PPP1CC: variants seen among roughly 807,000 people sequenced by gnomAD.
PPP1CC encodes the protein protein phosphatase 1 catalytic subunit gamma.
PPP1CC carries 16 observed loss-of-function variants against 38.4 expected under a neutral mutation model. That is an observed-to-expected ratio of 0.42 (90% CI 0.28 to 0.63). The LOEUF (loss-of-function observed/expected upper bound fraction) is 0.63. Ranked by LOEUF, PPP1CC falls within the 30% of genes least tolerant of loss-of-function variation. PPP1CC has a pLI of 0.25. For missense variants in PPP1CC, 170 were observed against 391.3 expected (o/e 0.43, Z 4.77); for synonymous variants, 158 against 136.0 (o/e 1.16, Z -1.13).
chr12:110,711,579 C>A, the PPP1CC span, among the ~76,000 whole-genome samples: 2 of 151,992 alleles, frequency 1.3e-5, no homozygotes, highest in Non-Finnish European at 1.5e-5. Context: ...TTAACCCAGG[C>A]GATGGGTATG....
At chr12:110,721,681 C>T (rs189771501) in intron 6 of PPP1CC, 1 of 186,920 alleles carries the variant, frequency 5.3e-6, no homozygotes, top group Non-Finnish European at 1.1e-5. Flanking sequence ...AAGGCTGAGG[C>T]AGATTCTAAA....
downstream of PPP1CC, among the ~76,000 whole-genome samples, chr12:110,717,924 TTGTG>T (rs560908954): frequency 1.3e-4 from 20 of 152,298 alleles, no homozygotes; most frequent in African/African-American, 3.8e-4. Flanking sequence ...AATGGTTCCT[TTGTG>T]TTTTTTGGTA....
the PPP1CC span, among the ~76,000 whole-genome samples, chr12:110,713,860 G>A: frequency 1.3e-5 from 2 of 152,188 alleles, no homozygotes; most frequent in African/African-American, 2.4e-5. Context: ...CACTTTGGGA[G>A]GCCAATGCAG....
At chr12:110,737,430 G>A (rs900854889) in intron 1 of PPP1CC, among the ~76,000 whole-genome samples, 3 of 138,808 alleles carry the variant, frequency 2.2e-5, no homozygotes, top group African/African-American at 8.3e-5. Flanking sequence ...GCAGCAGTGG[G>A]CCGAGATCCT....
the PPP1CC span, among the ~76,000 whole-genome samples, chr12:110,708,631 T>C: frequency 2.0e-5 from 3 of 152,042 alleles, no homozygotes; most frequent in Admixed American, 1.3e-4. Context: ...GGCAGATTAC[T>C]TGAGGTCAGG....
chr12:110,712,334 C>T, the PPP1CC span, among the ~76,000 whole-genome samples: 1 of 151,748 alleles, frequency 6.6e-6, no homozygotes, highest in Non-Finnish European at 1.5e-5. Context: ...TATAGATACA[C>T]ACACATTGAA....
chr12:110,719,578 T>TG (rs1195249834), downstream of PPP1CC: 1 of 152,348 alleles, frequency 6.6e-6, no homozygotes, highest in African/African-American at 2.4e-5. Context: ...GAAAACAAAG[T>TG]GAGCTGCTTT....
rs943477199 is a variant in PPP1CC, at chr12:110,721,047, G to C, written c.*29C>G. 1.3e-6 allele frequency: 2 copies of C among 1,591,612 alleles called. No individual in the cohort carries two copies. Among genetic ancestry groups the C allele is most frequent in the Non-Finnish European group, 1.7e-6 (2 of 1,159,670 alleles). On this transcript the variant is annotated 3_prime_UTR_variant, in exon 7 of 7. Transcript: ENST00000335007. ...GAAGGTTATATACTCTATGTTACAA[G>C]TCCCGACTAGGCAGTGTCAAAACGA...
intron 4 of PPP1CC, among the ~76,000 whole-genome samples, chr12:110,723,310 T>C (rs1463266229): frequency 3.3e-5 from 5 of 151,932 alleles, no homozygotes; most frequent in African/African-American, 1.2e-4. Flanking sequence ...ATGGGATGCA[T>C]ATTGTAAGAG....
intron 1 of PPP1CC, among the ~76,000 whole-genome samples, chr12:110,737,843 G>C (rs1230782362): frequency 2.0e-5 from 3 of 152,116 alleles, no homozygotes; most frequent in East Asian, 3.9e-4. Flanking sequence ...GGCTAGCCAA[G>C]AGGATGAGGA....
At chr12:110,717,494 C>G (rs190048457), downstream of PPP1CC, among the ~76,000 whole-genome samples, 10 of 152,108 alleles carry the variant, frequency 6.6e-5, no homozygotes, top group Admixed American at 5.2e-4. Context: ...CCCAGGTTCA[C>G]GCCATTCTCC....
intron 3 of PPP1CC, 157 bp from the exon 4 acceptor site, chr12:110,724,921 T>C (rs2136543313): frequency 2.3e-6 from 1 of 434,118 alleles, no homozygotes; most frequent in Middle Eastern, 6.7e-4. Flanking sequence ...CCATCTTATT[T>C]TAAGGCTCTT....
chr12:110,729,108 A>C (rs2069842752), intron 3 of PPP1CC, among the ~76,000 whole-genome samples: 1 of 152,070 alleles, frequency 6.6e-6, no homozygotes, highest in Non-Finnish European at 1.5e-5. Context: ...CCTGGCAGCA[A>C]TGATGAGCAC....
chr12:110,741,602 C>T (rs2070018003), intron 1 of PPP1CC, among the ~76,000 whole-genome samples: 1 of 152,316 alleles, frequency 6.6e-6, no homozygotes, highest in Admixed American at 6.5e-5. Context: ...CCTCACAAGT[C>T]TTAGATGAGC....
the PPP1CC span, among the ~76,000 whole-genome samples, chr12:110,712,666 A>AAG: frequency 8.9e-6 from 1 of 112,290 alleles, no homozygotes; most frequent in Admixed American, 1.0e-4. Flanking sequence ...AAAAAAAAAA[A>AAG]GGGGGGGCAC....
chr12:110,732,098 CAAGT>C (rs1451011053), intron 1 of PPP1CC, 197 bp from the exon 2 acceptor site: 1 of 603,226 alleles, frequency 1.7e-6, no homozygotes, highest in Non-Finnish European at 2.8e-6. Context: ...TCTTCGATAC[CAAGT>C]AAGACTTCTT....
intron 1 of PPP1CC, chr12:110,732,159 T>C: frequency 1.8e-6 from 1 of 545,898 alleles, no homozygotes; most frequent in Non-Finnish European, 3.2e-6. Context: ...CGAATGCTGT[T>C]AGAAACAGGA....
chr12:110,725,634 G>A (rs1401903390), intron 3 of PPP1CC: 1 of 152,220 alleles, frequency 6.6e-6, no homozygotes, highest in Non-Finnish European at 1.5e-5. Context: ...TGTTTCTACA[G>A]GAAACTGATG....
intron 1 of PPP1CC, among the ~76,000 whole-genome samples, chr12:110,739,729 GAAGT>G (rs1163884987): frequency 1.3e-5 from 2 of 152,148 alleles, no homozygotes; most frequent in Non-Finnish European, 2.9e-5. Flanking sequence ...ACCAAGATGT[GAAGT>G]AAGTTACAAC....
Sources: allele counts gnomAD v4.1 joint callset (sites outside exome capture counted in the v4.1 genomes callset), GRCh38; gene constraint gnomAD v4.1.1; transcripts MANE v1.5; gene names NCBI Gene and HGNC (gene_info 2026-07-23, HGNC 2026-07-21).